DAAM1: variants seen among roughly 807,000 people sequenced by gnomAD.
DAAM1 encodes dishevelled associated activator of morphogenesis 1, also known as disheveled-associated activator of morphogenesis 1.
DAAM1 carries 52 observed loss-of-function variants against 130.0 expected under a neutral mutation model. The ratio of observed to expected loss-of-function variants is 0.40; its 90% CI spans 0.32 to 0.50. The LOEUF is 0.50. Among genes scored for constraint, DAAM1 ranks in the 20% least tolerant of loss-of-function variants. The pLI is 0.61. For missense variants in DAAM1, 1,134 were observed against 1,303.8 expected (o/e 0.87, Z 2.01); for synonymous variants, 452 against 444.5 (o/e 1.02, Z -0.21).
chr14:59,312,616 T>C (rs983040302), intron 3 of DAAM1, among the ~76,000 whole-genome samples: 5 of 152,174 alleles, frequency 3.3e-5, no homozygotes, highest in African/African-American at 9.7e-5. Flanking sequence ...CAAAGTGATG[T>C]TGAGAAAAAT....
chr14:59,195,435 G>T (rs1342803529), intron 1 of DAAM1, among the ~76,000 whole-genome samples: 2 of 152,170 alleles, frequency 1.3e-5, no homozygotes, highest in African/African-American at 4.8e-5. Flanking sequence ...GAGCCACCGC[G>T]CCTGGCCTCA....
At chr14:59,357,505 G>A (rs1327794545) in intron 20 of DAAM1, among the ~76,000 whole-genome samples, 1 of 152,194 alleles carries the variant, frequency 6.6e-6, no homozygotes, top group South Asian at 2.1e-4. Context: ...GAGGCTGGGT[G>A]CAGTGGCTCA....
chr14:59,261,119 T>C (rs1418031482), intron 1 of DAAM1, among the ~76,000 whole-genome samples: 1 of 152,182 alleles, frequency 6.6e-6, no homozygotes, highest in Non-Finnish European at 1.5e-5. Context: ...GTCTATACTA[T>C]ACCACTCATT....
At chr14:59,239,966 A>C (rs1018367445) in intron 1 of DAAM1, among the ~76,000 whole-genome samples, 1 of 152,252 alleles carries the variant, frequency 6.6e-6, no homozygotes, top group Non-Finnish European at 1.5e-5. Flanking sequence ...ATTTGTTTCC[A>C]AAATGGGAAC....
chr14:59,311,897 C>A (rs1884612031), intron 3 of DAAM1, among the ~76,000 whole-genome samples: 1 of 152,034 alleles, frequency 6.6e-6, no homozygotes, highest in Non-Finnish European at 1.5e-5. Flanking sequence ...TGGGGTCTTG[C>A]TATGTTGCCC....
intron 2 of DAAM1, among the ~76,000 whole-genome samples, chr14:59,280,801 G>T (rs551824167): frequency 3.4e-4 from 52 of 152,178 alleles, no homozygotes; most frequent in African/African-American, 1.1e-3. Flanking sequence ...TCTTAGACAT[G>T]GTGGGCCCTT....
At chr14:59,357,977 C>A (rs1187878037) in intron 20 of DAAM1, among the ~76,000 whole-genome samples, 1 of 152,180 alleles carries the variant, frequency 6.6e-6, no homozygotes, top group Admixed American at 6.5e-5. Context: ...AACTCTGATT[C>A]ATTTTGGTTA....
Position 59,371,183 on chromosome 14 carries a change from C to A in DAAM1, c.*2324C>A, listed in dbSNP as rs2139703817. 6.6e-6 allele frequency: 1 copy of A among 150,698 alleles called. No homozygotes were observed. Among genetic ancestry groups the A allele is most frequent in the Admixed American group, 6.6e-5 (1 of 15,156 alleles). 9.3% of individuals were successfully genotyped at this position (150,698 alleles called of 1,614,324 possible). On this transcript the variant is annotated 3_prime_UTR_variant, in exon 25 of 25. Transcript: ENST00000360909. ...TTCTCTCTTGGGTGTGTATTTTAAA[C>A]TTTTTTTGTTTTTTTAAATTAATGC...
chr14:59,330,527 G>A lies in DAAM1; in HGVS notation c.1399G>A (p.Glu467Lys). ...KEHNELQQKL[E>K]KKERECDAKT... The stretch of plus-strand genomic sequence containing the variant: ...GCACAATGAGCTACAACAGAAACTG[G>A]AAAAGAAAGAACGAGAATGTGATGC... The change falls in exon 13 of 25, where the codon GAA becomes AAA. Residue 467 changes from glutamate to lysine, a missense_variant. Glu to Lys is a moderately conservative substitution (Grantham distance 56, BLOSUM62 1). Transcript: ENST00000360909. The A allele has an allele frequency of 1.2e-6, 2 of 1,610,696 alleles. No individual in the cohort carries two copies. Among genetic ancestry groups the A allele is most frequent in the Non-Finnish European group, 1.7e-6 (2 of 1,178,706 alleles).
At chr14:59,288,052 T>C (rs774499545) in intron 2 of DAAM1, among the ~76,000 whole-genome samples, 8 of 152,086 alleles carry the variant, frequency 5.3e-5, no homozygotes, top group Non-Finnish European at 1.0e-4. Context: ...CAAAACATCA[T>C]GGTACTGGTA....
intron 1 of DAAM1, among the ~76,000 whole-genome samples, chr14:59,215,010 C>G (rs895699837): frequency 3.9e-5 from 6 of 152,152 alleles, no homozygotes; most frequent in African/African-American, 1.4e-4. Flanking sequence ...TTTTTAAACA[C>G]TGTATTCTGT....
chr14:59,367,610 G>A lies in DAAM1; in HGVS notation c.2997+11G>A. On this transcript the variant is annotated intron_variant, in intron 24 of 24. Transcript: ENST00000360909. Reference sequence around the variant, plus strand: ...CGCATGGAAGCTCAGGTGAGAGGATGATTAATTGACCAATTCCACCTCCTA... The same window carrying A: ...CGCATGGAAGCTCAGGTGAGAGGATAATTAATTGACCAATTCCACCTCCTA... 6.2e-7 allele frequency: 1 copy of A among 1,609,412 alleles called. No individual in the cohort carries two copies. The highest frequency in any genetic ancestry group is 8.5e-7 in the Non-Finnish European group (1 of 1,177,524).
chr14:59,293,976 C>G (rs903617686), intron 3 of DAAM1, among the ~76,000 whole-genome samples: 2 of 152,168 alleles, frequency 1.3e-5, no homozygotes, highest in Admixed American at 6.5e-5. Flanking sequence ...TCAAATCAGG[C>G]TTATCACCAG....
chr14:59,308,727 A>G (rs1384322514), intron 3 of DAAM1, among the ~76,000 whole-genome samples: 1 of 152,214 alleles, frequency 6.6e-6, no homozygotes, highest in Non-Finnish European at 1.5e-5. Context: ...AAACATTAGG[A>G]AAAATGGAGA....
chr14:59,230,933 A>C (rs938062206), intron 1 of DAAM1, among the ~76,000 whole-genome samples: 1 of 152,192 alleles, frequency 6.6e-6, no homozygotes. Context: ...TCGTTCCACT[A>C]TCTTTGTTGC....
At chr14:59,319,009 G>C (rs1884897691) in intron 4 of DAAM1, among the ~76,000 whole-genome samples, 1 of 152,204 alleles carries the variant, frequency 6.6e-6, no homozygotes, top group Admixed American at 6.5e-5. Context: ...ATAAAAGGCT[G>C]GATTCTGAGC....
At chr14:59,230,687 G>A (rs9888622) in intron 1 of DAAM1, among the ~76,000 whole-genome samples, 7,821 of 151,398 alleles carry the variant, frequency 0.052, 663 homozygotes, top group African/African-American at 0.18. Context: ...AGCATAACAG[G>A]GTGACTGTAG....
chr14:59,216,261 T>G (rs1454018657), intron 1 of DAAM1, among the ~76,000 whole-genome samples: 1 of 152,218 alleles, frequency 6.6e-6, no homozygotes, highest in African/African-American at 2.4e-5. Context: ...AGTTTTTCAA[T>G]GTACTGTGTT....
chr14:59,214,406 A>T (rs1888515743), intron 1 of DAAM1, among the ~76,000 whole-genome samples: 1 of 152,222 alleles, frequency 6.6e-6, no homozygotes, highest in Admixed American at 6.5e-5. Context: ...CAGGAAGGTC[A>T]TCCTATTTGA....
Sources: gnomAD v4.1 joint callset for allele counts (sites outside exome capture counted in the v4.1 genomes callset) on GRCh38, gnomAD v4.1.1 for gene constraint, MANE v1.5 for transcripts, NCBI Gene and HGNC (gene_info 2026-07-23, HGNC 2026-07-21) for gene names.